Variants in LMO4 observed in about 807,000 individuals in gnomAD.
The protein encoded by LMO4 is LIM domain only 4.
LMO4 carries 3 observed loss-of-function variants against 18.5 expected under a neutral mutation model. That is an observed-to-expected ratio of 0.16 (90% CI 0.07 to 0.42). The LOEUF is 0.42. Ranked by LOEUF, LMO4 falls within the 10% of genes least tolerant of loss-of-function variation. The pLI, the probability that LMO4 is intolerant of heterozygous loss-of-function variation, is 0.99. For missense variants in LMO4, 121 were observed against 219.9 expected (o/e 0.55, Z 2.84); for synonymous variants, 100 against 88.1 (o/e 1.14, Z -0.76).
intron 2 of LMO4, among the ~76,000 whole-genome samples, chr1:87,337,890 G>C (rs1458255347): frequency 2.0e-5 from 3 of 152,208 alleles, no homozygotes; most frequent in Non-Finnish European, 4.4e-5. Context: ...TGGTCCTGCA[G>C]CTAGAGGTCC....
intron 1 of LMO4, 125 bp downstream of exon 1, chr1:87,329,369 C>T (rs909206459): frequency 1.3e-5 from 2 of 152,242 alleles, no homozygotes; most frequent in African/African-American, 4.8e-5. Flanking sequence ...GTAAACAATA[C>T]GTCGGCTTAG....
At chr1:87,337,454 T>C (rs946259186) in intron 2 of LMO4, among the ~76,000 whole-genome samples, 1 of 152,114 alleles carries the variant, frequency 6.6e-6, no homozygotes, top group Non-Finnish European at 1.5e-5. Flanking sequence ...TGAGATGGAG[T>C]GTCACTGTGT....
At chr1:87,340,767 A>G (rs1208686948) in intron 4 of LMO4, among the ~76,000 whole-genome samples, 1 of 152,196 alleles carries the variant, frequency 6.6e-6, no homozygotes, top group African/African-American at 2.4e-5. Flanking sequence ...TGAATAAGTT[A>G]TGGCTTTTAA....
chr1:87,335,632 G>A (rs1043719909), intron 2 of LMO4, among the ~76,000 whole-genome samples: 55 of 152,244 alleles, frequency 3.6e-4, no homozygotes, highest in Non-Finnish European at 7.5e-4. Flanking sequence ...GTGTGTTTGG[G>A]TAGGGGGTGG....
intron 2 of LMO4, among the ~76,000 whole-genome samples, chr1:87,335,214 T>C (rs1052433629): frequency 2.0e-5 from 3 of 152,198 alleles, no homozygotes; most frequent in African/African-American, 7.2e-5. Flanking sequence ...TCCGTTTCTC[T>C]TCCTCGAACC....
chr1:87,342,995 G>A (rs984270303), intron 4 of LMO4, among the ~76,000 whole-genome samples: 1 of 152,088 alleles, frequency 6.6e-6, no homozygotes, highest in Non-Finnish European at 1.5e-5. Flanking sequence ...GGGAAAATTG[G>A]ACATTTATTT....
At chr1:87,340,949 T>C (rs1488044994) in intron 4 of LMO4, among the ~76,000 whole-genome samples, 2 of 152,180 alleles carry the variant, frequency 1.3e-5, no homozygotes, top group African/African-American at 4.8e-5. Context: ...AGAGGGAAAA[T>C]TGGTGATCAA....
intron 2 of LMO4, among the ~76,000 whole-genome samples, chr1:87,336,777 C>T (rs1458750945): frequency 6.6e-6 from 1 of 152,112 alleles, no homozygotes; most frequent in Non-Finnish European, 1.5e-5. Flanking sequence ...TTAAAGACTC[C>T]CCTGGCTTTA....
intron 1 of LMO4, among the ~76,000 whole-genome samples, chr1:87,329,673 G>A (rs555808751): frequency 1.3e-5 from 2 of 152,296 alleles, no homozygotes; most frequent in Admixed American, 1.3e-4. Context: ...GTGGCAGGAA[G>A]GATCTAAGTG....
intron 2 of LMO4, among the ~76,000 whole-genome samples, chr1:87,334,986 A>G (rs1557613889): frequency 6.6e-6 from 1 of 151,398 alleles, no homozygotes; most frequent in Non-Finnish European, 1.5e-5. Context: ...CGTCGCAAAC[A>G]AAACATTTAA....
At chr1:87,341,318 C>G (rs954381993) in intron 4 of LMO4, among the ~76,000 whole-genome samples, 16 of 152,092 alleles carry the variant, frequency 1.1e-4, no homozygotes, top group African/African-American at 3.9e-4. Flanking sequence ...GTATGTTTGA[C>G]TTTTTCATCA....
intron 2 of LMO4, among the ~76,000 whole-genome samples, chr1:87,337,735 C>A (rs1650352919): frequency 6.6e-6 from 1 of 152,178 alleles, no homozygotes; most frequent in Non-Finnish European, 1.5e-5. Context: ...GGGCCATGCC[C>A]ATTCTCTGGC....
chr1:87,340,305 G>A (rs367790092), intron 4 of LMO4, 103 bp downstream of exon 4: 1 of 1,075,354 alleles, frequency 9.3e-7, no homozygotes, highest in East Asian at 2.4e-5. Flanking sequence ...ATTTTTGCAT[G>A]CCCTTTTAAA....
chr1:87,332,747 G>A (rs1298133359), intron 2 of LMO4, among the ~76,000 whole-genome samples: 1 of 152,194 alleles, frequency 6.6e-6, no homozygotes. Context: ...TGAGCGGAAG[G>A]CTGTGATTCG....
Position 87,348,835 on chromosome 1 carries a change from G to A in LMO4, c.*4039G>A, listed in dbSNP as rs1459765208. The A allele has an allele frequency of 2.1e-6, 1 of 478,192 alleles. No individual in the cohort carries two copies. The highest frequency in any genetic ancestry group is 4.2e-6 in the Non-Finnish European group (1 of 238,448). 29.6% of individuals were successfully genotyped at this position (478,192 alleles called of 1,614,324 possible). On this transcript the variant is annotated 3_prime_UTR_variant, in exon 5 of 5. Transcript: ENST00000370544. ...AACTCGGAGGCCTCAAGCCAATAAT[G>A]TACTACAGGCCCTGACATGTTACAG...
rs768657361 is a variant in LMO4, at chr1:87,340,026, G to T, written c.334-21G>T. The T allele has an allele frequency of 6.6e-5, 106 of 1,605,790 alleles. No homozygotes were observed. In the South Asian group the frequency reaches 1.1e-3, roughly 17 times the overall value. The stretch of plus-strand genomic sequence containing the variant: ...ACTTAATTTTTACCTTGTTTTCAGT[G>T]GGTTTGTTTTTCCCTTTCAGTGTTT... On this transcript the variant is annotated intron_variant, in intron 3 of 4. Coordinates refer to ENST00000370544, the MANE Select transcript of LMO4 (RefSeq NM_006769.4).
chr1:87,347,782 ACTGT>A lies in LMO4; in HGVS notation c.*2989_*2992del, dbSNP rs1430439473. ...GGGTTTAATGTTTTTTACCTATCTA[ACTGT>A]CTAATTAGATTTACACATCCCGCAA... On this transcript the variant is annotated 3_prime_UTR_variant, in exon 5 of 5. Transcript: ENST00000370544. 1 of 152,204 alleles carries A rather than the reference ACTGT, an allele frequency of 6.6e-6. No homozygotes were observed. 9.4% of individuals were successfully genotyped at this position (152,204 alleles called of 1,614,324 possible). A position where few individuals can be genotyped will look rare whatever the true frequency, so the allele number is the denominator to read the frequency against.
chr1:87,346,552 G>A lies in LMO4; in HGVS notation c.*1756G>A, dbSNP rs576357485. ...GTAGACCCTCCCTCTGAGAATAGCCGTGGAGCCATGTAGAGAGGTGTAGCT... is the reference window on the plus strand; with the variant it reads ...GTAGACCCTCCCTCTGAGAATAGCCATGGAGCCATGTAGAGAGGTGTAGCT... On this transcript the variant is annotated 3_prime_UTR_variant, in exon 5 of 5. Transcript: ENST00000370544. The A allele has an allele frequency of 2.0e-4, 30 of 152,214 alleles. No homozygotes were observed. Among genetic ancestry groups the A allele is most frequent in the African/African-American group, 6.3e-4 (26 of 41,524 alleles). The allele number at this position is 152,214 out of a possible 1,614,324, so 9.4% of individuals were successfully genotyped here.
intron 3 of LMO4, 116 bp from the exon 4 acceptor site, chr1:87,339,931 A>G: frequency 8.4e-7 from 1 of 1,191,612 alleles, no homozygotes; most frequent in South Asian, 1.5e-5. Context: ...AAAAACGCTA[A>G]ACCCTAAGTG....
Sources: gnomAD v4.1 joint callset for allele counts (sites outside exome capture counted in the v4.1 genomes callset) on GRCh38, gnomAD v4.1.1 for gene constraint, MANE v1.5 for transcripts, NCBI Gene and HGNC (gene_info 2026-07-23, HGNC 2026-07-21) for gene names.